Variants in PCDH15 observed in about 807,000 individuals in gnomAD.
PCDH15 encodes the protein protocadherin related 15, also known as protocadherin-15.
Under a neutral mutation model 178.5 loss-of-function variants are expected in PCDH15, and 129 were observed. The ratio of observed to expected loss-of-function variants is 0.72; its 90% CI spans 0.63 to 0.84. PCDH15 has a LOEUF of 0.84. Ranked by LOEUF, PCDH15 falls within the 40% of genes least tolerant of loss-of-function variation. The pLI is 0.00. For missense variants in PCDH15, 2,230 were observed against 2,099.9 expected (o/e 1.06, Z -1.21); for synonymous variants, 800 against 732.0 (o/e 1.09, Z -1.50).
intron 2 of PCDH15, among the ~76,000 whole-genome samples, chr10:55,455,425 A>G (rs1049397813): frequency 3.9e-5 from 6 of 152,178 alleles, no homozygotes; most frequent in Non-Finnish European, 8.8e-5. Context: ...AGCAAATTCT[A>G]GCATTCAGAT....
At chr10:55,165,330 C>G (rs562385989) in intron 2 of PCDH15, among the ~76,000 whole-genome samples, 40 of 151,796 alleles carry the variant, frequency 2.6e-4, no homozygotes, top group Middle Eastern at 3.4e-3. Flanking sequence ...AAATATAAAG[C>G]CTAAGGCTCA....
chr10:54,962,580 C>T (rs1281027636), intron 2 of PCDH15, among the ~76,000 whole-genome samples: 1 of 152,184 alleles, frequency 6.6e-6, no homozygotes, highest in Non-Finnish European at 1.5e-5. Context: ...TTCCCCTCAT[C>T]TAGACACAGC....
chr10:55,265,978 G>T (rs1162214707), intron 1 of PCDH15, among the ~76,000 whole-genome samples: 1 of 152,034 alleles, frequency 6.6e-6, no homozygotes, highest in East Asian at 1.9e-4. Flanking sequence ...CCCTCAAACA[G>T]GGTGCACCTA....
In PCDH15 at chr10:54,317,529, C is replaced by A. The variant is rs1591769116; in HGVS notation, c.706-88G>T. ...GTGGCCCATACCTGTAATCCCAGAA[C>A]TTTGGGAGGCCAAGGTGGGTGGATC... On this transcript the variant is annotated intron_variant, in intron 7 of 37. Transcript: ENST00000644397. 2.0e-6 allele frequency: 3 copies of A among 1,466,576 alleles called. No individual in the cohort carries two copies. In the Admixed American group the frequency reaches 5.0e-5, roughly 25 times the overall value. The allele number at this position is 1,466,576 out of a possible 1,614,324, so 90.8% of individuals were successfully genotyped here.
At chr10:54,057,608 G>T (rs7092287) in intron 18 of PCDH15, among the ~76,000 whole-genome samples, 91,236 of 151,902 alleles carry the variant, frequency 0.6, 27,554 homozygotes, top group Middle Eastern at 0.75. Context: ...CTAGGCCTCT[G>T]GGCCTGTGAT....
intron 1 of PCDH15, among the ~76,000 whole-genome samples, chr10:54,688,374 G>C (rs2095053769): frequency 6.6e-6 from 1 of 151,942 alleles, no homozygotes; most frequent in African/African-American, 2.4e-5. Context: ...TTAAAACACA[G>C]ACATTAACAA....
chr10:53,893,910 A>G, intron 26 of PCDH15, among the ~76,000 whole-genome samples: 1 of 152,202 alleles, frequency 6.6e-6, no homozygotes, highest in East Asian at 1.9e-4. Context: ...TTATCCATGT[A>G]GCCAAAAACC....
At chr10:54,548,236 A>G (rs1435568868) in intron 2 of PCDH15, among the ~76,000 whole-genome samples, 1 of 147,870 alleles carries the variant, frequency 6.8e-6, no homozygotes, top group East Asian at 2.0e-4. Context: ...AAATACTCAC[A>G]TGTTTTTTAA....
intron 2 of PCDH15, among the ~76,000 whole-genome samples, chr10:55,024,898 C>T (rs1156854879): frequency 2.0e-5 from 3 of 152,016 alleles, no homozygotes; most frequent in Non-Finnish European, 4.4e-5. Context: ...CACTGCTGTT[C>T]CTCTTTAACT....
chr10:55,225,424 G>T (rs1841003695), intron 1 of PCDH15, among the ~76,000 whole-genome samples: 1 of 152,042 alleles, frequency 6.6e-6, no homozygotes, highest in South Asian at 2.1e-4. Flanking sequence ...GAGCAGATAA[G>T]AGTTGTCAAC....
At chr10:55,112,863 A>G (rs1185856277) in intron 2 of PCDH15, among the ~76,000 whole-genome samples, 1 of 152,204 alleles carries the variant, frequency 6.6e-6, no homozygotes, top group Non-Finnish European at 1.5e-5. Context: ...AAAACAACAC[A>G]TAAAAAGACC....
At chr10:54,263,556 T>A (rs1204831606) in intron 8 of PCDH15, among the ~76,000 whole-genome samples, 1 of 152,084 alleles carries the variant, frequency 6.6e-6, no homozygotes, top group African/African-American at 2.4e-5. Flanking sequence ...AGATTGAAGT[T>A]TGAATTATAG....
chr10:55,359,690 C>CAAT (rs1845175754), intron 2 of PCDH15, among the ~76,000 whole-genome samples: 1 of 137,458 alleles, frequency 7.3e-6, no homozygotes, highest in Non-Finnish European at 1.5e-5. Context: ...AACTCCCTAT[C>CAAT]AATAGATGAA....
intron 2 of PCDH15, among the ~76,000 whole-genome samples, chr10:54,985,522 T>C (rs1839342276): frequency 6.6e-6 from 1 of 152,156 alleles, no homozygotes; most frequent in Non-Finnish European, 1.5e-5. Flanking sequence ...CCTTGTTATA[T>C]GTGCTCAAAA....
At chr10:55,061,447 C>T (rs912276821) in intron 2 of PCDH15, among the ~76,000 whole-genome samples, 2 of 152,144 alleles carry the variant, frequency 1.3e-5, no homozygotes, top group Non-Finnish European at 2.9e-5. Context: ...CCTTTCACTG[C>T]TGGTGGAAAT....
chr10:55,337,483 T>C (rs1844425596), intron 2 of PCDH15, among the ~76,000 whole-genome samples: 1 of 152,180 alleles, frequency 6.6e-6, no homozygotes, highest in East Asian at 1.9e-4. Flanking sequence ...CAATTTATAA[T>C]TGTAATGTGG....
At chr10:54,504,443 T>C (rs964402189) in intron 3 of PCDH15, among the ~76,000 whole-genome samples, 2 of 152,126 alleles carry the variant, frequency 1.3e-5, no homozygotes, top group Non-Finnish European at 2.9e-5. Context: ...ATAGATTCCT[T>C]CTCTATATCA....
intron 2 of PCDH15, among the ~76,000 whole-genome samples, chr10:55,093,912 G>A (rs1842380293): frequency 6.6e-6 from 1 of 152,082 alleles, no homozygotes; most frequent in South Asian, 2.1e-4. Context: ...GAGAGGATGT[G>A]GAGAAATAGG....
At chr10:55,298,945 T>G (rs1249212726) in intron 1 of PCDH15, among the ~76,000 whole-genome samples, 4 of 152,148 alleles carry the variant, frequency 2.6e-5, no homozygotes, top group Non-Finnish European at 5.9e-5. Context: ...TTCTCATAAG[T>G]ATTAGCTTCA....
Sources: gnomAD v4.1 joint callset for allele counts (sites outside exome capture counted in the v4.1 genomes callset) on GRCh38, gnomAD v4.1.1 for gene constraint, MANE v1.5 for transcripts, NCBI Gene and HGNC (gene_info 2026-07-23, HGNC 2026-07-21) for gene names.